LRRC37A2: variants seen among roughly 807,000 people sequenced by gnomAD.
LRRC37A2 encodes leucine-rich repeat-containing protein 37A2.
LRRC37A2 carries 9 observed loss-of-function variants against 68.8 expected under a neutral mutation model. The observed-to-expected ratio is 0.13, with a 90% CI of 0.08 to 0.23. The LOEUF (loss-of-function observed/expected upper bound fraction) is 0.23. Among genes scored for constraint, LRRC37A2 ranks in the 10% least tolerant of loss-of-function variants. The pLI, the probability that LRRC37A2 is intolerant of heterozygous loss-of-function variation, is 1.00. For missense variants in LRRC37A2, 168 were observed against 950.4 expected (o/e 0.18, Z 10.82); for synonymous variants, 63 against 367.6 (o/e 0.17, Z 9.48).
chr17:47,018,777 G>C, the LRRC37A2 span: 1 of 1,521,218 alleles, frequency 6.6e-7, no homozygotes, highest in South Asian at 1.1e-5. Context: ...TCCTAATGTA[G>C]TTGTAGCTCA....
the LRRC37A2 span, among the ~76,000 whole-genome samples, chr17:46,378,036 C>T: frequency 3.3e-5 from 2 of 61,150 alleles, no homozygotes; most frequent in African/African-American, 9.2e-5. Context: ...TTGTGCCTGG[C>T]TTATTTCACT....
chr17:46,734,569 G>A, the LRRC37A2 span, among the ~76,000 whole-genome samples: 381 of 152,156 alleles, frequency 2.5e-3, 2 homozygotes, highest in East Asian at 0.013. Flanking sequence ...ATATCTCTGA[G>A]GACAAAGGAA....
the LRRC37A2 span, among the ~76,000 whole-genome samples, chr17:46,987,324 A>G: frequency 1.3e-5 from 2 of 152,164 alleles, no homozygotes; most frequent in East Asian, 3.9e-4. Flanking sequence ...ATCAGAAGAG[A>G]TGGCTAAAGA....
At chr17:46,778,993 G>T in the LRRC37A2 span, among the ~76,000 whole-genome samples, 1 of 148,192 alleles carries the variant, frequency 6.7e-6, no homozygotes. Context: ...GCCAGTCTCA[G>T]TCTCCAAGAA....
At chr17:46,735,559 A>G in the LRRC37A2 span, among the ~76,000 whole-genome samples, 4 of 152,008 alleles carry the variant, frequency 2.6e-5, no homozygotes, top group Non-Finnish European at 4.4e-5. Context: ...CTATTTCTTC[A>G]TCTGTAAAAT....
At chr17:46,963,543 CAAAAA>C in the LRRC37A2 span, among the ~76,000 whole-genome samples, 1 of 137,724 alleles carries the variant, frequency 7.3e-6, no homozygotes, top group Non-Finnish European at 1.6e-5. Context: ...GGCTCGGTCT[CAAAAA>C]AAAAAAAAAA....
At chr17:46,787,969 A>G in the LRRC37A2 span, among the ~76,000 whole-genome samples, 1 of 151,770 alleles carries the variant, frequency 6.6e-6, no homozygotes, top group Non-Finnish European at 1.5e-5. Flanking sequence ...AAAAAAAAAA[A>G]AAAAAAGATG....
chr17:46,821,414 G>A, the LRRC37A2 span, among the ~76,000 whole-genome samples: 2 of 152,214 alleles, frequency 1.3e-5, no homozygotes, highest in African/African-American at 2.4e-5. Context: ...TGCCGCGGGT[G>A]GAAACGCAGG....
At chr17:46,866,746 C>T in the LRRC37A2 span, among the ~76,000 whole-genome samples, 1 of 152,104 alleles carries the variant, frequency 6.6e-6, no homozygotes, top group Non-Finnish European at 1.5e-5. Context: ...GACACACTGG[C>T]ATTACCTGGT....
At chr17:46,789,197 G>T in the LRRC37A2 span, among the ~76,000 whole-genome samples, 16 of 152,132 alleles carry the variant, frequency 1.1e-4, no homozygotes, top group Middle Eastern at 6.8e-3. Flanking sequence ...CTTTATGGGG[G>T]CCCAGAGGCC....
the LRRC37A2 span, among the ~76,000 whole-genome samples, chr17:46,883,314 C>T: frequency 1.5e-5 from 2 of 136,044 alleles, no homozygotes; most frequent in Non-Finnish European, 3.1e-5. Context: ...GATGGAGTCT[C>T]GCTTTTGTCA....
chr17:46,779,245 A>G, the LRRC37A2 span, among the ~76,000 whole-genome samples: 1 of 152,204 alleles, frequency 6.6e-6, no homozygotes, highest in East Asian at 1.9e-4. Flanking sequence ...GCTTCCGCCT[A>G]CACACAGGAC....
At chr17:47,003,637 C>A in the LRRC37A2 span, among the ~76,000 whole-genome samples, 1 of 152,122 alleles carries the variant, frequency 6.6e-6, no homozygotes, top group East Asian at 1.9e-4. Flanking sequence ...TTTTTAATTA[C>A]GTGGATGGCG....
chr17:46,796,685 C>T, the LRRC37A2 span, among the ~76,000 whole-genome samples: 1 of 152,210 alleles, frequency 6.6e-6, no homozygotes, highest in African/African-American at 2.4e-5. Context: ...GAGAATGATT[C>T]ACCAGCCAGA....
the LRRC37A2 span, among the ~76,000 whole-genome samples, chr17:46,804,961 C>G: frequency 1.4e-5 from 2 of 144,158 alleles, no homozygotes; most frequent in African/African-American, 5.2e-5. Flanking sequence ...CCCCTTGGGT[C>G]GCCTTCCATG....
the LRRC37A2 span, among the ~76,000 whole-genome samples, chr17:46,855,337 C>T: frequency 3.3e-5 from 5 of 152,304 alleles, no homozygotes; most frequent in East Asian, 3.9e-4. Context: ...AGTAGTGAGA[C>T]GGGTTGCACT....
the LRRC37A2 span, among the ~76,000 whole-genome samples, chr17:46,905,851 TGTGA>T: frequency 2.0e-5 from 3 of 151,834 alleles, no homozygotes; most frequent in Non-Finnish European, 2.9e-5. Context: ...ATTGTGTGCC[TGTGA>T]GTATGTGCCC....
the LRRC37A2 span, chr17:46,876,547 A>T: frequency 6.2e-7 from 1 of 1,613,668 alleles, no homozygotes; most frequent in Non-Finnish European, 8.5e-7. Flanking sequence ...CTGGCACAGC[A>T]GGTAGGGTGT....
At chr17:47,046,139 C>A in the LRRC37A2 span, among the ~76,000 whole-genome samples, 1 of 102,992 alleles carries the variant, frequency 9.7e-6, no homozygotes, top group Non-Finnish European at 2.0e-5. Context: ...CCAGCCTGAG[C>A]AACATGGGGA....
Sources: gnomAD v4.1 joint callset for allele counts (sites outside exome capture counted in the v4.1 genomes callset) on GRCh38, gnomAD v4.1.1 for gene constraint, MANE v1.5 for transcripts, NCBI Gene and HGNC (gene_info 2026-07-23, HGNC 2026-07-21) for gene names.